RPS6KA2: variants seen among roughly 807,000 people sequenced by gnomAD.
RPS6KA2 encodes the protein ribosomal protein S6 kinase alpha-2.
A neutral mutation model predicts 91.8 loss-of-function variants in RPS6KA2; 42 were observed. The ratio of observed to expected loss-of-function variants is 0.46; its 90% CI spans 0.36 to 0.59. The LOEUF is 0.59. Ranked by LOEUF, RPS6KA2 falls within the 20% of genes least tolerant of loss-of-function variation. The pLI is 0.00. For synonymous variants in RPS6KA2, 414 were observed against 393.6 expected (o/e 1.05, Z -0.61); for missense variants, 798 against 978.5 (o/e 0.82, Z 2.46).
At chr6:166,607,479 G>A (rs1405131186) in intron 1 of RPS6KA2, among the ~76,000 whole-genome samples, 1 of 152,156 alleles carries the variant, frequency 6.6e-6, no homozygotes, top group Non-Finnish European at 1.5e-5. Flanking sequence ...GCTACAACAC[G>A]AACGAACCTT....
intron 2 of RPS6KA2, among the ~76,000 whole-genome samples, chr6:166,792,400 T>A (rs1385087727): frequency 1.3e-5 from 2 of 151,858 alleles, no homozygotes; most frequent in Non-Finnish European, 2.9e-5. Flanking sequence ...ACCAGATGGA[T>A]TCACAGCCGA....
intron 6 of RPS6KA2, among the ~76,000 whole-genome samples, chr6:166,501,495 G>T (rs1222314074): frequency 1.3e-5 from 2 of 152,216 alleles, no homozygotes; most frequent in Admixed American, 6.5e-5. Flanking sequence ...CCTGCTCCCG[G>T]CTTGGCACCC....
chr6:166,441,112 A>G (rs1035305895), intron 14 of RPS6KA2, among the ~76,000 whole-genome samples: 1 of 152,198 alleles, frequency 6.6e-6, no homozygotes, highest in East Asian at 1.9e-4. Context: ...TTCCTCAGTC[A>G]TGCAATCTGT....
chr6:166,759,328 T>C (rs1276841822), intron 2 of RPS6KA2, among the ~76,000 whole-genome samples: 1 of 152,222 alleles, frequency 6.6e-6, no homozygotes, highest in Admixed American at 6.5e-5. Context: ...CGTTGGCAAA[T>C]ATTACTTCTA....
chr6:166,557,772 C>G lies in RPS6KA2; in HGVS notation c.100-18988G>C, dbSNP rs944618553. Reference sequence around the variant, plus strand: ...AATCCTTCTAGTCTCTATATACAGACTTTCCTCACTCTGTGAACCCTCACT... The same window carrying G: ...AATCCTTCTAGTCTCTATATACAGAGTTTCCTCACTCTGTGAACCCTCACT... On this transcript the variant is annotated intron_variant, in intron 1 of 20. Transcript: ENST00000265678. The surrounding 1 kb of genome is among the most constrained non-coding windows in gnomAD (Gnocchi z 4.8). 5.3e-5 allele frequency among the ~76,000 whole-genome samples: 8 copies of G among 152,198 alleles called. No individual in the cohort carries two copies. Among genetic ancestry groups the G allele is most frequent in the African/African-American group, 1.9e-4 (8 of 41,426 alleles).
At chr6:166,469,401 A>C (rs991325009) in intron 11 of RPS6KA2, among the ~76,000 whole-genome samples, 1 of 150,650 alleles carries the variant, frequency 6.6e-6, no homozygotes, top group Admixed American at 6.6e-5. Context: ...GCAGTATCGA[A>C]TCTGGGCCTG....
At chr6:166,700,867 C>T (rs1275304699) in intron 2 of RPS6KA2, among the ~76,000 whole-genome samples, 1 of 152,132 alleles carries the variant, frequency 6.6e-6, no homozygotes, top group South Asian at 2.1e-4. Flanking sequence ...CCTCTGCCAC[C>T]CTTTTTTTGT....
intron 2 of RPS6KA2, among the ~76,000 whole-genome samples, chr6:166,735,336 C>T (rs7738499): frequency 0.36 from 55,069 of 152,118 alleles, 14,055 homozygotes; most frequent in African/African-American, 0.73. Context: ...ACTCTCATGG[C>T]GGACTAGTCT....
At chr6:166,680,370 A>G (rs1396570896) in intron 2 of RPS6KA2, among the ~76,000 whole-genome samples, 5 of 152,208 alleles carry the variant, frequency 3.3e-5, no homozygotes, top group African/African-American at 4.8e-5. Context: ...AAATGGACCA[A>G]TCAGCAGGAT....
chr6:166,701,485 G>A (rs1463104161), intron 2 of RPS6KA2: 3 of 1,186,114 alleles, frequency 2.5e-6, no homozygotes, highest in South Asian at 1.2e-5. Context: ...CCTCACCTTA[G>A]CATCTGGTGC....
At chr6:166,573,220 C>G (rs1001779810) in intron 1 of RPS6KA2, among the ~76,000 whole-genome samples, 1 of 152,218 alleles carries the variant, frequency 6.6e-6, no homozygotes, top group Non-Finnish European at 1.5e-5. Flanking sequence ...CTCCTCTGCC[C>G]TGTCACGAGA....
At position 166,410,553 on chromosome 6, in the gene RPS6KA2, T is replaced by C. The variant is rs1397204716; in HGVS notation, c.*2209A>G. On this transcript the variant is annotated 3_prime_UTR_variant, in exon 21 of 21. Coordinates refer to ENST00000265678, the MANE Select transcript of RPS6KA2 (RefSeq NM_021135.6). Reference sequence around the variant, plus strand: ...CCTCCGCTGATGCACATCAAATACATGTAAGGACAGAGCTCGCTGTGATGG... The same window carrying C: ...CCTCCGCTGATGCACATCAAATACACGTAAGGACAGAGCTCGCTGTGATGG... 1 of 152,356 alleles carries C rather than the reference T, an allele frequency of 6.6e-6. No homozygotes were observed. Among genetic ancestry groups the C allele is most frequent in the African/African-American group, 2.4e-5 (1 of 41,398 alleles). 9.4% of individuals were successfully genotyped at this position (152,356 alleles called of 1,614,324 possible).
At chr6:166,712,926 T>C (rs531038822) in intron 2 of RPS6KA2, among the ~76,000 whole-genome samples, 24 of 152,264 alleles carry the variant, frequency 1.6e-4, no homozygotes, top group African/African-American at 5.5e-4. Flanking sequence ...CTCCCCTGGG[T>C]GGGAGCACAG....
At chr6:166,763,912 A>G (rs1409121521) in intron 2 of RPS6KA2, among the ~76,000 whole-genome samples, 1 of 152,240 alleles carries the variant, frequency 6.6e-6, no homozygotes, top group Non-Finnish European at 1.5e-5. Context: ...CCATGACGGC[A>G]CGGCCGGCCT....
At chr6:166,422,835 G>A (rs1382021864) in intron 17 of RPS6KA2, among the ~76,000 whole-genome samples, 1 of 152,134 alleles carries the variant, frequency 6.6e-6, no homozygotes, top group African/African-American at 2.4e-5. Flanking sequence ...GAGAATTGGG[G>A]TGCAGAGAAA....
intron 3 of RPS6KA2, among the ~76,000 whole-genome samples, chr6:166,525,175 C>T (rs1041918): frequency 0.68 from 103,696 of 152,084 alleles, 35,622 homozygotes; most frequent in Middle Eastern, 0.76. Flanking sequence ...TTCTTTGCAA[C>T]ACATTCTTTT....
chr6:166,785,447 T>C (rs937780940), intron 2 of RPS6KA2, among the ~76,000 whole-genome samples: 2 of 152,164 alleles, frequency 1.3e-5, no homozygotes, highest in South Asian at 2.1e-4. Context: ...TACTTGAGGG[T>C]TTATTATTTT....
Position 166,811,922 on chromosome 6 carries a change from G to A in RPS6KA2, c.123+46278C>T, listed in dbSNP as rs139210098. Among the ~76,000 whole-genome samples the A allele has an allele frequency of 3.5e-4, 53 of 152,314 alleles. No homozygotes were observed. In the East Asian group the frequency reaches 9.6e-3, roughly 28 times the overall value. ...TTCTCCAGTGACTCCAGAGCCATCC[G>A]AGGATATTTCAGTGCCTCGTCAAGA... is the stretch of plus-strand genomic sequence containing the variant. On this transcript the variant is annotated intron_variant, in intron 2 of 21. Coordinates refer to the RPS6KA2 transcript ENST00000503859.
Position 166,666,769 on chromosome 6 carries a change from A to G in RPS6KA2, c.124-127985T>C, listed in dbSNP as rs2206123. On this transcript the variant is annotated intron_variant, in intron 2 of 21. Transcript: ENST00000503859. The surrounding 1 kb of genome is among the most constrained non-coding windows in gnomAD (Gnocchi z 4.0). ...AATTTAGCAACTTTCACTTCTGAGT[A>G]TATACCCAAAAAGAATGGAAAGCAG... Among the ~76,000 whole-genome samples the G allele has an allele frequency of 0.26, 40,033 of 152,134 alleles. 5,359 individuals carry two copies. The highest frequency in any genetic ancestry group is 0.33 in the South Asian group (1,580 of 4,828).
Sources: allele counts gnomAD v4.1 joint callset (sites outside exome capture counted in the v4.1 genomes callset), GRCh38; gene constraint gnomAD v4.1.1; non-coding constraint Gnocchi (gnomAD v3.1); transcripts MANE v1.5; gene names NCBI Gene and HGNC (gene_info 2026-07-23, HGNC 2026-07-21).